CHAF1A: variants seen among roughly 807,000 people sequenced by gnomAD.
CHAF1A encodes CAF-1 subunit A.
CHAF1A carries 5 observed loss-of-function variants against 93.2 expected under a neutral mutation model. The ratio of observed to expected loss-of-function variants is 0.05; its 90% CI spans 0.03 to 0.11. The LOEUF (loss-of-function observed/expected upper bound fraction) is 0.11. Among genes scored for constraint, CHAF1A ranks in the 10% least tolerant of loss-of-function variants. CHAF1A has a pLI of 1.00. For synonymous variants in CHAF1A, 504 were observed against 510.3 expected, an observed-to-expected ratio of 0.99 and a Z score of 0.17; for missense variants, 1,102 against 1,259.9, an observed-to-expected ratio of 0.87 and a Z score of 1.90.
rs1974235473 is a variant in CHAF1A, at chr19:4,433,859, C to T, written c.2673+320C>T. 6.6e-6 allele frequency among the ~76,000 whole-genome samples: 1 copy of T among 152,048 alleles called. No homozygotes were observed. Among genetic ancestry groups the T allele is most frequent in the Non-Finnish European group, 1.5e-5 (1 of 68,012 alleles). On this transcript the variant is annotated intron_variant, in intron 13 of 14. Transcript: ENST00000301280. The surrounding 1 kb of genome is among the most constrained non-coding windows in gnomAD (Gnocchi z 5.6). ...TCATGATCCGTCTGCCTTGTCCTCC[C>T]AAAGTGCTGGGATTACAGGCGTGAG... is the stretch of plus-strand genomic sequence containing the variant.
intron 12 of CHAF1A, among the ~76,000 whole-genome samples, chr19:4,432,573 C>T (rs982174666): frequency 6.6e-6 from 1 of 151,954 alleles, no homozygotes; most frequent in African/African-American, 2.4e-5. Flanking sequence ...CCAGCCTGGG[C>T]AACATGGCAA....
At chr19:4,418,419 T>C (rs1195053255) in intron 4 of CHAF1A, among the ~76,000 whole-genome samples, 6 of 48,750 alleles carry the variant, frequency 1.2e-4, no homozygotes, top group African/African-American at 4.1e-4. Context: ...CTTTTTTTTT[T>C]TTTTTTTTTT....
downstream of CHAF1A, chr19:4,448,374 G>A: frequency 6.2e-7 from 1 of 1,610,532 alleles, no homozygotes; most frequent in Non-Finnish European, 8.5e-7. Context: ...TGAACGTGTA[G>A]ATCTTCATGA....
Position 4,442,961 on chromosome 19 carries a change from G to C in CHAF1A, c.2807G>C (p.Gly936Ala), listed in dbSNP as rs750311581. Residue 936 changes from glycine (G) to alanine (A), a missense_variant, in exon 15 of 15, where the codon GGG (glycine) becomes GCG (alanine). This residue lies in a region of CHAF1A where 119 missense variants were observed against 102.2 expected (regional missense o/e 1.16). Coordinates refer to ENST00000301280, the MANE Select transcript of CHAF1A (RefSeq NM_005483.3). ...CCGTGTGGAGCCGCTTCCGGAGCTG[G>C]GGGTGGTGTGGGGGTGGACACCGGC... ...QAPCGAASGA[G>A]GGVGVDTGKA... The C allele has an allele frequency of 1.9e-6, 3 of 1,604,622 alleles. No individual in the cohort carries two copies. The highest frequency in any genetic ancestry group is 1.7e-5 in the Admixed American group (1 of 58,656).
chr19:4,409,147 CATT>C lies in CHAF1A; in HGVS notation c.349_351del (p.Ile117del), dbSNP rs781495112. The C allele has an allele frequency of 6.2e-7, 1 of 1,614,192 alleles. No individual in the cohort carries two copies. The highest frequency in any genetic ancestry group is 8.5e-7 in the Non-Finnish European group (1 of 1,180,044). On this transcript the variant is annotated inframe_deletion, in exon 3 of 15. Transcript: ENST00000301280. ...CCAGTATTGGCCAGAGCACAGTCAT[CATT>C]GATTTGACAGAGGACTCGAATGAGC...
intron 3 of CHAF1A, among the ~76,000 whole-genome samples, chr19:4,414,406 A>AC (rs1209529156): frequency 6.6e-6 from 1 of 151,822 alleles, no homozygotes; most frequent in Admixed American, 6.6e-5. Context: ...CAAAAAAAAA[A>AC]AAAAACAAAA....
At chr19:4,435,087 C>CTTTTTTTTTTTTTTTTT (rs869255408) in intron 13 of CHAF1A, among the ~76,000 whole-genome samples, 12 of 87,964 alleles carry the variant, frequency 1.4e-4, no homozygotes, top group Non-Finnish European at 2.0e-4. Context: ...CTTTTTTTTC[C>CTTTTTTTTTTTTTTTTT]TTTTTTTTTT....
chr19:4,446,414 C>A, downstream of CHAF1A: 1 of 1,579,040 alleles, frequency 6.3e-7, no homozygotes, highest in South Asian at 1.1e-5. Flanking sequence ...CGCCTCGGAC[C>A]TGCACACGCG....
In CHAF1A at chr19:4,443,331, C is replaced by T. The variant is rs555368487; in HGVS notation, c.*306C>T. On this transcript the variant is annotated 3_prime_UTR_variant, in exon 15 of 15. Coordinates refer to ENST00000301280, the MANE Select transcript of CHAF1A (RefSeq NM_005483.3). The stretch of plus-strand genomic sequence containing the variant: ...AATGAATTGAAGCGTCAGGACCACC[C>T]GCCTGGCCACGTGCGCGGGCCCCTG... 1.4e-4 allele frequency: 50 copies of T among 365,846 alleles called. No individual in the cohort carries two copies. The highest frequency in any genetic ancestry group is 4.1e-5 in the Non-Finnish European group (8 of 193,744). 22.7% of individuals were successfully genotyped at this position (365,846 alleles called of 1,614,324 possible).
In CHAF1A at chr19:4,423,326, G is replaced by A; in HGVS notation, c.1248-9G>A. 1 of 1,614,092 alleles carries A rather than the reference G, an allele frequency of 6.2e-7. No homozygotes were observed. The highest frequency in any genetic ancestry group is 8.5e-7 in the Non-Finnish European group (1 of 1,180,004). On this transcript the variant is annotated splice_polypyrimidine_tract_variant and intron_variant, in intron 5 of 14. Transcript: ENST00000301280. Reference sequence around the variant, plus strand: ...AGAGTCGGCTGAAATGTCATTTGCTGTCTCACAGGGCTAAACTTGAGGAAA... The same window carrying A: ...AGAGTCGGCTGAAATGTCATTTGCTATCTCACAGGGCTAAACTTGAGGAAA...
Position 4,409,265 on chromosome 19 carries a change from G to C in CHAF1A, c.466G>C (p.Asp156His). The C allele has an allele frequency of 6.2e-7, 1 of 1,614,172 alleles. No individual in the cohort carries two copies. The highest frequency in any genetic ancestry group is 8.5e-7 in the Non-Finnish European group (1 of 1,180,026). ...AAATGGCCAGCGAGAAGACACTGGG[G>C]ATCAGCAGGGGTTGTTGAAGGCCAT... is the stretch of plus-strand genomic sequence containing the variant. ...AINGQREDTG[D>H]QQGLLKAIQN... The change falls in exon 3 of 15, where the codon GAT becomes CAT. Residue 156 changes from aspartate (D) to histidine (H), a missense_variant. By Grantham distance (81) the Asp-to-His change is moderately conservative (BLOSUM62 -1). Coordinates refer to ENST00000301280, the MANE Select transcript of CHAF1A (RefSeq NM_005483.3).
At chr19:4,427,131 C>T (rs1434354633) in intron 7 of CHAF1A, among the ~76,000 whole-genome samples, 1 of 72,256 alleles carries the variant, frequency 1.4e-5, no homozygotes, top group Non-Finnish European at 2.6e-5. Context: ...AAAAAAAGAC[C>T]CTGTCTTTTT....
At chr19:4,408,301 TC>T (rs1356353292) in intron 2 of CHAF1A, among the ~76,000 whole-genome samples, 1 of 150,128 alleles carries the variant, frequency 6.7e-6, no homozygotes, top group Non-Finnish European at 1.5e-5. Context: ...CACACCATTC[TC>T]CTGCCTCAGT....
At chr19:4,445,643 TC>T, downstream of CHAF1A, 1 of 1,609,246 alleles carries the variant, frequency 6.2e-7, no homozygotes, top group Non-Finnish European at 8.5e-7. Flanking sequence ...GGGTAGGCCG[TC>T]ACTCTGAGAC....
In CHAF1A at chr19:4,409,470, G is replaced by A. The variant is rs554268956; in HGVS notation, c.671G>A (p.Ser224Asn). 1 of 1,614,156 alleles carries A rather than the reference G, an allele frequency of 6.2e-7. No homozygotes were observed. Among genetic ancestry groups the A allele is most frequent in the East Asian group, 2.2e-5 (1 of 44,878 alleles). The change falls in exon 3 of 15, where the codon AGT becomes AAT. Residue 224 changes from serine (S) to asparagine (N), a missense_variant. This residue lies in a region of CHAF1A where 379 missense variants were observed against 365.7 expected (regional missense o/e 1.04). Coordinates refer to ENST00000301280, the MANE Select transcript of CHAF1A (RefSeq NM_005483.3). ...PRMCPRKEQD[S>N]WSEAGGILFK... ...ATGTGCCCCAGAAAGGAGCAGGACAGTTGGAGTGAAGCTGGGGGCATCCTG... is the reference window on the plus strand; with the variant it reads ...ATGTGCCCCAGAAAGGAGCAGGACAATTGGAGTGAAGCTGGGGGCATCCTG...
chr19:4,445,175 G>C, downstream of CHAF1A: 1 of 339,472 alleles, frequency 2.9e-6, no homozygotes, highest in Non-Finnish European at 5.6e-6. Flanking sequence ...CATGCTGCAG[G>C]CCTGCTCTCC....
chr19:4,432,324 CAG>C, intron 12 of CHAF1A, 117 bp downstream of exon 12: 4 of 1,194,510 alleles, frequency 3.3e-6, no homozygotes, highest in Non-Finnish European at 3.4e-6. Flanking sequence ...CCACAAATAA[CAG>C]AGGCCAGCCC....
chr19:4,409,479 A>G lies in CHAF1A; in HGVS notation c.680A>G (p.Glu227Gly), dbSNP rs528473936. 149 of 1,614,056 alleles carry G rather than the reference A, an allele frequency of 9.2e-5. 1 individual carries two copies. In the South Asian group the frequency reaches 1.2e-3, roughly 13 times the overall value. The change falls in exon 3 of 15, where the codon GAA (glutamate) becomes GGA (glycine). Residue 227 changes from glutamate (E) to glycine (G), a missense_variant. Glu to Gly is a moderately conservative substitution (Grantham distance 98). Around this residue, in one of 6 missense-constraint regions of CHAF1A, gnomAD observed 379 missense variants for 365.7 expected, o/e 1.04. Coordinates refer to ENST00000301280, the MANE Select transcript of CHAF1A (RefSeq NM_005483.3). Reference sequence around the variant, plus strand: ...AGAAAGGAGCAGGACAGTTGGAGTGAAGCTGGGGGCATCCTGTTCAAAGGG... The same window carrying G: ...AGAAAGGAGCAGGACAGTTGGAGTGGAGCTGGGGGCATCCTGTTCAAAGGG... ...CPRKEQDSWS[E>G]AGGILFKGKV...
chr19:4,431,404 C>T (rs1221484265), intron 11 of CHAF1A, among the ~76,000 whole-genome samples: 2 of 152,182 alleles, frequency 1.3e-5, no homozygotes, highest in Non-Finnish European at 2.9e-5. Context: ...GCTGGGATTA[C>T]AGGCATGAGC....
Sources: gnomAD v4.1 joint callset for allele counts (sites outside exome capture counted in the v4.1 genomes callset) on GRCh38, gnomAD v4.1.1 for gene constraint, gnomAD v4.1.1 regional missense constraint, Gnocchi (gnomAD v3.1) non-coding constraint, MANE v1.5 for transcripts, NCBI Gene and HGNC (gene_info 2026-07-23, HGNC 2026-07-21) for gene names.